Variants in MPI observed in about 807,000 individuals in gnomAD.
MPI encodes mannose phosphate isomerase.
Under a neutral mutation model 40.1 loss-of-function variants are expected in MPI, and 33 were observed. The ratio of observed to expected loss-of-function variants is 0.82; its 90% CI spans 0.62 to 1.10. The LOEUF is 1.10. Ranked by LOEUF, MPI falls within the 50% of genes least tolerant of loss-of-function variation. MPI has a pLI of 0.00. For missense variants in MPI, 514 were observed against 524.1 expected (o/e 0.98, Z 0.19); for synonymous variants, 187 against 207.4 (o/e 0.90, Z 0.85).
At chr15:74,890,113 G>A in intron 1 of MPI, 24 bp downstream of exon 1, 3 of 1,607,682 alleles carry the variant, frequency 1.9e-6, no homozygotes, top group Non-Finnish European at 2.5e-6. Flanking sequence ...TGGGGTGTCG[G>A]CGAGTGTGTT....
chr15:74,894,842 A>G (rs1595820838), intron 5 of MPI, among the ~76,000 whole-genome samples: 1 of 151,346 alleles, frequency 6.6e-6, no homozygotes, highest in Admixed American at 6.6e-5. Flanking sequence ...AAAGAAGTCC[A>G]CCCTTGCCAC....
chr15:74,897,664 G>T lies in MPI; in HGVS notation c.1206G>T (p.Glu402Asp). The T allele has an allele frequency of 6.2e-7, 1 of 1,614,196 alleles. No individual in the cohort carries two copies. The highest frequency in any genetic ancestry group is 1.1e-5 in the South Asian group (1 of 91,090). The change falls in exon 8 of 8, where the codon GAG becomes GAT. Residue 402 changes from glutamate to aspartate, a missense_variant. Physicochemically the swap from Glu to Asp is conservative, Grantham distance 45. Transcript: ENST00000352410. ...GCGTGCTCTTCATTGGGGCCAATGA[G>T]AGTGTCTCACTGAAGCTTACTGAGC... ...RGGVLFIGAN[E>D]SVSLKLTEPK...
At position 74,899,644 on chromosome 15, in the gene MPI, T is replaced by TG. The variant is rs1205405581; in HGVS notation, c.*1915dup. Reference sequence around the variant, plus strand: ...AGGATATTCTTAACTTTTATTTTTTTGAGACGGAGTCTCGCACTGTCTCCC... The same window carrying TG: ...AGGATATTCTTAACTTTTATTTTTTTGGAGACGGAGTCTCGCACTGTCTCCC... On this transcript the variant is annotated 3_prime_UTR_variant, in exon 8 of 8. Coordinates refer to ENST00000352410, the MANE Select transcript of MPI (RefSeq NM_002435.3). 6.6e-6 allele frequency: 1 copy of TG among 152,252 alleles called. No individual in the cohort carries two copies. The highest frequency in any genetic ancestry group is 1.5e-5 in the Non-Finnish European group (1 of 68,056). 9.4% of individuals were successfully genotyped at this position (152,252 alleles called of 1,614,324 possible).
chr15:74,898,847 GTTTT>G lies in MPI; in HGVS notation c.*1119_*1122del, dbSNP rs1029420363. ...AGCCACCACGCCTGGCCCGGCTCCT[GTTTT>G]TCAACTGGCCCTAGAGGAGGGGTCC... On this transcript the variant is annotated 3_prime_UTR_variant, in exon 8 of 8. Coordinates refer to ENST00000352410, the MANE Select transcript of MPI (RefSeq NM_002435.3). 11 of 152,390 alleles carry G rather than the reference GTTTT, an allele frequency of 7.2e-5. No individual in the cohort carries two copies. The highest frequency in any genetic ancestry group is 2.7e-4 in the African/African-American group (11 of 41,468). 9.4% of individuals were successfully genotyped at this position (152,390 alleles called of 1,614,324 possible). A position where few individuals can be genotyped will look rare whatever the true frequency, so the allele number is the denominator to read the frequency against.
chr15:74,892,850 C>G (rs924551749), intron 4 of MPI, 48 bp downstream of exon 4: 17 of 1,613,512 alleles, frequency 1.1e-5, no homozygotes, highest in Non-Finnish European at 1.4e-5. Context: ...CCAGGGATAC[C>G]TGGGGAACCA....
At position 74,898,645 on chromosome 15, in the gene MPI, C is replaced by G. The variant is rs1246291350; in HGVS notation, c.*915C>G. 6.6e-6 allele frequency: 1 copy of G among 152,208 alleles called. No homozygotes were observed. The highest frequency in any genetic ancestry group is 1.5e-5 in the Non-Finnish European group (1 of 68,110). 9.4% of individuals were successfully genotyped at this position (152,208 alleles called of 1,614,324 possible). A position where few individuals can be genotyped will look rare whatever the true frequency, so the allele number is the denominator to read the frequency against. Reference sequence around the variant, plus strand: ...CTCCGCCTCCCGGGTTCACGCCACTCTTCTGCCTCAGCCTCCCAAGTAGCT... The same window carrying G: ...CTCCGCCTCCCGGGTTCACGCCACTGTTCTGCCTCAGCCTCCCAAGTAGCT... On this transcript the variant is annotated 3_prime_UTR_variant, in exon 8 of 8. Coordinates refer to ENST00000352410, the MANE Select transcript of MPI (RefSeq NM_002435.3).
intron 3 of MPI, 62 bp from the exon 4 acceptor site, chr15:74,892,599 G>A (rs2064743170): frequency 1.4e-5 from 23 of 1,607,916 alleles, no homozygotes; most frequent in Middle Eastern, 2.0e-4. Flanking sequence ...GGTGGCACTG[G>A]TGTACCTGCT....
intron 5 of MPI, 149 bp from the exon 6 acceptor site, chr15:74,896,003 G>C: frequency 1.3e-6 from 1 of 798,446 alleles, no homozygotes; most frequent in Admixed American, 2.0e-5. Flanking sequence ...ACCCCCAAAG[G>C]GCTGGAGGCG....
intron 4 of MPI, 165 bp downstream of exon 4, chr15:74,892,967 GGT>G: frequency 7.6e-7 from 1 of 1,323,562 alleles, no homozygotes; most frequent in South Asian, 1.2e-5. Flanking sequence ...ACCAGGCTCA[GGT>G]GTGGTAGTCA....
rs368089661 is a variant in MPI, at chr15:74,890,070, G to A, written c.-4G>A. On this transcript the variant is annotated 5_prime_UTR_variant, in exon 1 of 8. Coordinates refer to ENST00000352410, the MANE Select transcript of MPI (RefSeq NM_002435.3). ...CGTGCTTAATCCTGGTGCAGGGGGC[G>A]AGCATGGCCGCTCCGCGAGGTGAGC... 40 of 1,607,264 alleles carry A rather than the reference G, an allele frequency of 2.5e-5. No homozygotes were observed. The highest frequency in any genetic ancestry group is 4.0e-5 in the African/African-American group (3 of 74,936).
rs1039900601 is a variant in MPI, at chr15:74,897,439, G to T, written c.1054-73G>T. 3.1e-5 allele frequency: 46 copies of T among 1,485,836 alleles called. No homozygotes were observed. The African/African-American group carries it at 5.5e-4, about 18-fold the overall frequency. The allele number at this position is 1,485,836 out of a possible 1,614,324, so 92.0% of individuals were successfully genotyped here. A position where few individuals can be genotyped will look rare whatever the true frequency, so the allele number is the denominator to read the frequency against. ...GGCAGAGCTCTCCCTCGTGCCCTGG[G>T]GACTGTCCTGGGCCCATGAGCTGAT... is the stretch of plus-strand genomic sequence containing the variant. On this transcript the variant is annotated intron_variant, in intron 7 of 7. Coordinates refer to ENST00000352410, the MANE Select transcript of MPI (RefSeq NM_002435.3).
chr15:74,892,280 C>T (rs1326223795), intron 3 of MPI, among the ~76,000 whole-genome samples: 1 of 152,212 alleles, frequency 6.6e-6, no homozygotes, highest in Non-Finnish European at 1.5e-5. Context: ...GCGTGAGCCA[C>T]CATGCCCAGC....
chr15:74,893,145 TGA>T lies in MPI; in HGVS notation c.497_498del (p.Glu166ValfsTer8), dbSNP rs2141200280. 4 of 1,613,974 alleles carry T rather than the reference TGA, an allele frequency of 2.5e-6. No homozygotes were observed. In the South Asian group the frequency reaches 4.4e-5, roughly 18 times the overall value. Reference protein sequence around the residue: ...EIVTFLKKVPEFQFLIGDEAA... With the variant: ...EIVTFLKKVPXFQFLIGDEAA... The stretch of plus-strand genomic sequence containing the variant: ...GGCCTTGCCTTCCTGTAGAGGTGCC[TGA>T]GTTTCAGTTCCTGATTGGAGATGAG... On this transcript the variant is annotated frameshift_variant, in exon 5 of 8. Coordinates refer to ENST00000352410, the MANE Select transcript of MPI (RefSeq NM_002435.3). LOFTEE classifies it high-confidence loss of function.
rs2064714941 is a variant in MPI, at chr15:74,890,796, T to C, written c.144+142T>C. 3 of 1,092,980 alleles carry C rather than the reference T, an allele frequency of 2.7e-6. No individual in the cohort carries two copies. The African/African-American group carries it at 4.6e-5, about 17-fold the overall frequency. The allele number at this position is 1,092,980 out of a possible 1,614,324, so 67.7% of individuals were successfully genotyped here. ...TGGCTCTTCAGGCTAATGGACTAGA[T>C]AGTGTTATCAAAAAGAAGAGAGGTT... On this transcript the variant is annotated intron_variant, in intron 2 of 7. Coordinates refer to ENST00000352410, the MANE Select transcript of MPI (RefSeq NM_002435.3).
rs985944562 is a variant in MPI, at chr15:74,902,016, T to A, written c.*4286T>A. 2.5e-6 allele frequency: 1 copy of A among 397,946 alleles called. No homozygotes were observed. Among genetic ancestry groups the A allele is most frequent in the African/African-American group, 2.1e-5 (1 of 48,618 alleles). 24.7% of individuals were successfully genotyped at this position (397,946 alleles called of 1,614,324 possible). A position where few individuals can be genotyped will look rare whatever the true frequency, so the allele number is the denominator to read the frequency against. The stretch of plus-strand genomic sequence containing the variant: ...TTCTGGAAGCCAGGATCCTGCTGTA[T>A]CATTAAGCAACCTGCTATGATCCCT... On this transcript the variant is annotated 3_prime_UTR_variant, in exon 8 of 8. Transcript: ENST00000352410.
At chr15:74,890,927 G>T (rs1017736352) in intron 2 of MPI, 16 of 621,634 alleles carry the variant, frequency 2.6e-5, no homozygotes, top group African/African-American at 5.5e-5. Context: ...TTTTTACTTT[G>T]ACTATTTTTT....
At chr15:74,897,409 A>G in intron 7 of MPI, 103 bp from the exon 8 acceptor site, 1 of 1,342,572 alleles carries the variant, frequency 7.4e-7, no homozygotes, top group Non-Finnish European at 1.1e-6. Context: ...GTTGTGCGAG[A>G]AGGTGGCAGA....
chr15:74,894,535 C>T (rs1215747676), intron 5 of MPI, among the ~76,000 whole-genome samples: 1 of 149,526 alleles, frequency 6.7e-6, no homozygotes, highest in Non-Finnish European at 1.5e-5. Flanking sequence ...ACTAAAGATA[C>T]AAAAATTAGC....
At chr15:74,896,513 C>T (rs1163648486) in intron 6 of MPI, 188 bp downstream of exon 6, 5 of 720,480 alleles carry the variant, frequency 6.9e-6, no homozygotes, top group East Asian at 5.4e-5. Flanking sequence ...ATTGAACACG[C>T]CTTGAATCCT....
Sources: gnomAD v4.1 joint callset for allele counts (sites outside exome capture counted in the v4.1 genomes callset) on GRCh38, gnomAD v4.1.1 for gene constraint, MANE v1.5 for transcripts, NCBI Gene and HGNC (gene_info 2026-07-23, HGNC 2026-07-21) for gene names.